MTA3: variants seen among roughly 807,000 people sequenced by gnomAD.
MTA3 encodes the protein metastasis associated 1 family member 3.
MTA3 carries 34 observed loss-of-function variants against 83.5 expected under a neutral mutation model. That is an observed-to-expected ratio of 0.41 (90% CI 0.31 to 0.54). The LOEUF is 0.54. Ranked by LOEUF, MTA3 falls within the 20% of genes least tolerant of loss-of-function variation. The pLI, the probability that MTA3 is intolerant of heterozygous loss-of-function variation, is 0.33. For synonymous variants in MTA3, 303 were observed against 252.7 expected (o/e 1.20, Z -1.89); for missense variants, 761 against 726.4 (o/e 1.05, Z -0.55).
chr2:42,710,036 AG>A (rs1157187678), intron 14 of MTA3, among the ~76,000 whole-genome samples: 1 of 152,192 alleles, frequency 6.6e-6, no homozygotes, highest in Non-Finnish European at 1.5e-5. Context: ...TTGTTCCTTA[AG>A]GGGTGACAAA....
chr2:42,719,959 T>G (rs1434779682), intron 15 of MTA3, among the ~76,000 whole-genome samples: 2 of 152,168 alleles, frequency 1.3e-5, no homozygotes, highest in Non-Finnish European at 2.9e-5. Context: ...TTCAGTAAAG[T>G]GAAATATGTA....
intron 3 of MTA3, among the ~76,000 whole-genome samples, chr2:42,593,636 G>C (rs565293908): frequency 1.8e-4 from 28 of 152,234 alleles, no homozygotes; most frequent in Middle Eastern, 3.4e-3. Flanking sequence ...GTTATGTGGT[G>C]TGTGACTATA....
chr2:42,529,926 G>A (rs374689057), intron 2 of MTA3, among the ~76,000 whole-genome samples: 16 of 152,280 alleles, frequency 1.1e-4, no homozygotes, highest in East Asian at 5.8e-4. Flanking sequence ...GGTGGCTCAC[G>A]CCTGTAATCC....
chr2:42,560,581 A>C (rs1034378275), intron 2 of MTA3, among the ~76,000 whole-genome samples: 2 of 151,062 alleles, frequency 1.3e-5, no homozygotes, highest in African/African-American at 2.4e-5. Context: ...AACAAAACAA[A>C]AAACAAACAA....
chr2:42,545,987 G>T (rs554479392), intron 2 of MTA3, among the ~76,000 whole-genome samples: 7 of 152,124 alleles, frequency 4.6e-5, no homozygotes, highest in Admixed American at 3.3e-4. Flanking sequence ...CAGGCTCCGC[G>T]TTAACACTAA....
chr2:42,739,918 G>A (rs574145660), intron 16 of MTA3, among the ~76,000 whole-genome samples: 111 of 152,250 alleles, frequency 7.3e-4, no homozygotes, highest in African/African-American at 2.5e-3. Context: ...ACATCTTCAG[G>A]TTCCACTTCT....
chr2:42,755,550 C>A lies in MTA3; in HGVS notation c.*2151C>A. ...GCTCGTGGTTCTGTAGTCCAGTCATCCTAGGAGGGTGATGTTGACTGAGAC... is the reference window on the plus strand; with the variant it reads ...GCTCGTGGTTCTGTAGTCCAGTCATACTAGGAGGGTGATGTTGACTGAGAC... On this transcript the variant is annotated 3_prime_UTR_variant, in exon 17 of 17. Transcript: ENST00000405094. 2.0e-6 allele frequency: 2 copies of A among 985,320 alleles called. No individual in the cohort carries two copies. The highest frequency in any genetic ancestry group is 2.4e-6 in the Non-Finnish European group (2 of 829,810). 61.0% of individuals were successfully genotyped at this position (985,320 alleles called of 1,614,324 possible).
chr2:42,605,941 C>T (rs1235683845), intron 3 of MTA3, among the ~76,000 whole-genome samples: 1 of 27,114 alleles, frequency 3.7e-5, no homozygotes, highest in Non-Finnish European at 7.0e-5. Flanking sequence ...CTCACCTCCC[C>T]GACGGGGCGG....
intron 7 of MTA3, among the ~76,000 whole-genome samples, chr2:42,658,183 G>GC (rs1257241000): frequency 2.0e-5 from 3 of 150,760 alleles, no homozygotes; most frequent in African/African-American, 7.3e-5. Context: ...GACTGACAGT[G>GC]CTAAGCATTG....
chr2:42,720,727 C>T (rs1201970494), intron 15 of MTA3, among the ~76,000 whole-genome samples: 4 of 151,880 alleles, frequency 2.6e-5, no homozygotes, highest in South Asian at 2.1e-4. Context: ...GAGAGGCAGG[C>T]GGATTGCTTG....
At chr2:42,512,024 A>G (rs1674927882) in intron 2 of MTA3, among the ~76,000 whole-genome samples, 3 of 151,690 alleles carry the variant, frequency 2.0e-5, no homozygotes, top group East Asian at 1.9e-4. Context: ...CTCAAAAAAA[A>G]TAAATAAATA....
chr2:42,501,555 A>G (rs1267151857), intron 2 of MTA3, among the ~76,000 whole-genome samples: 1 of 152,246 alleles, frequency 6.6e-6, no homozygotes, highest in African/African-American at 2.4e-5. Flanking sequence ...CATTAAAGTT[A>G]CCTAACTGAA....
At chr2:42,745,834 A>G (rs2104593352) in intron 16 of MTA3, among the ~76,000 whole-genome samples, 1 of 43,998 alleles carries the variant, frequency 2.3e-5, no homozygotes, top group Admixed American at 2.0e-4. Flanking sequence ...CTTTTTTTTG[A>G]GACAGAGTCT....
At chr2:42,527,384 T>C (rs1675764749) in intron 2 of MTA3, among the ~76,000 whole-genome samples, 1 of 152,214 alleles carries the variant, frequency 6.6e-6, no homozygotes, top group Non-Finnish European at 1.5e-5. Flanking sequence ...CTTTGTTCTT[T>C]GGACCACACC....
At chr2:42,683,993 T>C (rs975923496) in intron 9 of MTA3, among the ~76,000 whole-genome samples, 2 of 152,198 alleles carry the variant, frequency 1.3e-5, no homozygotes, top group Non-Finnish European at 2.9e-5. Context: ...ATTTTCAAGG[T>C]ATACAATATG....
intron 4 of MTA3, among the ~76,000 whole-genome samples, chr2:42,627,877 C>T (rs1271506203): frequency 2.6e-5 from 4 of 151,374 alleles, no homozygotes; most frequent in Non-Finnish European, 4.4e-5. Flanking sequence ...CATTCCCTGC[C>T]AGGTTCTTTT....
At chr2:42,729,093 T>TTTTTG (rs1668045685) in intron 16 of MTA3, among the ~76,000 whole-genome samples, 2 of 37,122 alleles carry the variant, frequency 5.4e-5, no homozygotes, top group East Asian at 1.8e-3. Context: ...TGAGTTTTTT[T>TTTTTG]TTTTTTTTTT....
chr2:42,582,107 G>A (rs1558457071), intron 3 of MTA3, among the ~76,000 whole-genome samples: 1 of 151,964 alleles, frequency 6.6e-6, no homozygotes, highest in Non-Finnish European at 1.5e-5. Context: ...GCCCAGGCTG[G>A]AGTGTAGTGG....
chr2:42,604,703 T>C lies in MTA3; in HGVS notation c.191-4755T>C, dbSNP rs1573203255. Among the ~76,000 whole-genome samples the C allele has an allele frequency of 7.1e-5, 10 of 141,470 alleles. No homozygotes were observed. The South Asian group carries it at 1.8e-3, about 25-fold the overall frequency. The allele number at this position is 141,470 out of a possible 152,430, so 92.8% of individuals were successfully genotyped here. On this transcript the variant is annotated intron_variant, in intron 3 of 16. Transcript: ENST00000405094. ...AGATAAGCAAGTGAACAAAGGTCTC[T>C]GGTTTTCCTAGGCAGAGGACCCTGC...
Sources: gnomAD v4.1 joint callset for allele counts (sites outside exome capture counted in the v4.1 genomes callset) on GRCh38, gnomAD v4.1.1 for gene constraint, MANE v1.5 for transcripts, NCBI Gene and HGNC (gene_info 2026-07-23, HGNC 2026-07-21) for gene names.